Variants in GRB10 observed in about 807,000 individuals in gnomAD.
GRB10 encodes the protein growth factor receptor bound protein 10.
A neutral mutation model predicts 80.9 loss-of-function variants in GRB10; 20 were observed. The observed-to-expected ratio is 0.25, with a 90% CI of 0.17 to 0.36. The LOEUF is 0.36. GRB10 is among the 10% of genes least tolerant of loss of function. The pLI is 1.00. For synonymous variants in GRB10, 291 were observed against 291.5 expected, an observed-to-expected ratio of 1.00 and a Z score of 0.02; for missense variants, 548 against 747.7, an observed-to-expected ratio of 0.73 and a Z score of 3.12.
upstream of GRB10, among the ~76,000 whole-genome samples, chr7:50,784,780 G>A (rs2078621785): frequency 6.6e-6 from 1 of 152,236 alleles, no homozygotes; most frequent in Non-Finnish European, 1.5e-5. Context: ...AGAGATGAAG[G>A]CTAAGCTGGA....
rs754915352 is a variant in GRB10, at chr7:50,590,545, T to A, written c.*2407A>T. 6.5e-6 allele frequency: 1 copy of A among 152,684 alleles called. No individual in the cohort carries two copies. The highest frequency in any genetic ancestry group is 1.5e-5 in the Non-Finnish European group (1 of 68,052). The allele number at this position is 152,684 out of a possible 1,614,324, so 9.5% of individuals were successfully genotyped here. The stretch of plus-strand genomic sequence containing the variant: ...TCTCAACTTCGTCCTGGTTGCTACA[T>A]GGAGTTTCATTTAGAAAAGAAAATC... On this transcript the variant is annotated 3_prime_UTR_variant, in exon 19 of 19. Coordinates refer to ENST00000401949, the MANE Select transcript of GRB10 (RefSeq NM_001350814.2).
intron 5 of GRB10, among the ~76,000 whole-genome samples, chr7:50,689,879 G>A (rs375983400): frequency 6.6e-6 from 1 of 151,512 alleles, no homozygotes; most frequent in Admixed American, 6.6e-5. Context: ...TCTTCCTTTG[G>A]GGATAGAGTT....
intron 7 of GRB10, among the ~76,000 whole-genome samples, chr7:50,647,286 T>A (rs2057337447): frequency 6.6e-6 from 1 of 152,166 alleles, no homozygotes; most frequent in Non-Finnish European, 1.5e-5. Context: ...CAGTAACATC[T>A]TTTTTTGAAA....
intron 3 of GRB10, among the ~76,000 whole-genome samples, chr7:50,737,278 G>T (rs558133028): frequency 3.3e-5 from 5 of 152,134 alleles, no homozygotes; most frequent in African/African-American, 1.2e-4. Flanking sequence ...GGTTTCTAAC[G>T]GCGTAACACC....
chr7:50,648,197 G>C (rs998892649), intron 7 of GRB10, among the ~76,000 whole-genome samples: 3 of 152,132 alleles, frequency 2.0e-5, no homozygotes, highest in African/African-American at 7.2e-5. Context: ...AGCAACGATG[G>C]CTGAGAAGGA....
chr7:50,606,441 A>ACC, intron 13 of GRB10, 27 bp from the exon 14 acceptor site: 1 of 1,586,116 alleles, frequency 6.3e-7, no homozygotes, highest in Non-Finnish European at 8.7e-7. Context: ...ACAGTTAGTC[A>ACC]CCGGCCCGGG....
At chr7:50,695,975 T>C (rs1421087743) in intron 5 of GRB10, among the ~76,000 whole-genome samples, 1 of 152,196 alleles carries the variant, frequency 6.6e-6, no homozygotes, top group African/African-American at 2.4e-5. Flanking sequence ...TACAGTACCG[T>C]AACCTGTTTC....
chr7:50,635,136 GCA>G (rs1266879083), intron 7 of GRB10, among the ~76,000 whole-genome samples: 3 of 152,142 alleles, frequency 2.0e-5, no homozygotes, highest in Non-Finnish European at 4.4e-5. Flanking sequence ...TTGCCATAAA[GCA>G]CATTTCAATA....
At chr7:50,753,256 A>G (rs2074455306) in intron 3 of GRB10, among the ~76,000 whole-genome samples, 1 of 152,212 alleles carries the variant, frequency 6.6e-6, no homozygotes, top group African/African-American at 2.4e-5. Context: ...GATTTGTAGC[A>G]TCTTTCTGAA....
chr7:50,605,086 A>G, intron 15 of GRB10: 1 of 597,228 alleles, frequency 1.7e-6, no homozygotes, highest in African/African-American at 1.9e-5. Flanking sequence ...CCCAGGGGAC[A>G]GGGGACAGCG....
chr7:50,748,151 G>A (rs1004118429), intron 3 of GRB10, among the ~76,000 whole-genome samples: 4 of 152,166 alleles, frequency 2.6e-5, no homozygotes, highest in African/African-American at 4.8e-5. Flanking sequence ...ATAACTGAAC[G>A]TAATCACTCA....
chr7:50,775,910 G>C (rs1462578942), intron 2 of GRB10, among the ~76,000 whole-genome samples: 1 of 152,204 alleles, frequency 6.6e-6, no homozygotes, highest in East Asian at 1.9e-4. Context: ...GTAATGCAGA[G>C]AGCAGAGAAG....
At chr7:50,699,311 GCTGT>G (rs2063841584) in intron 5 of GRB10, among the ~76,000 whole-genome samples, 1 of 152,292 alleles carries the variant, frequency 6.6e-6, no homozygotes, top group Non-Finnish European at 1.5e-5. Context: ...AGCAGGCACT[GCTGT>G]CTAATTCTAG....
At chr7:50,707,263 G>GT (rs2065163731) in intron 4 of GRB10, among the ~76,000 whole-genome samples, 1 of 152,160 alleles carries the variant, frequency 6.6e-6, no homozygotes, top group African/African-American at 2.4e-5. Flanking sequence ...AAAATACAAT[G>GT]ACTCCTTCCC....
intron 14 of GRB10, among the ~76,000 whole-genome samples, 199 bp downstream of exon 14, chr7:50,606,138 G>T (rs2048478745): frequency 6.6e-6 from 1 of 152,164 alleles, no homozygotes; most frequent in African/African-American, 2.4e-5. Context: ...GAGAAGAACG[G>T]CAGAGGAATT....
intron 4 of GRB10, among the ~76,000 whole-genome samples, chr7:50,712,573 T>TA (rs1369047766): frequency 2.0e-5 from 3 of 152,172 alleles, no homozygotes; most frequent in Non-Finnish European, 4.4e-5. Context: ...TACCACCACA[T>TA]AAAAAATGAT....
At chr7:50,789,563 TG>T (rs147308166) in intron 1 of GRB10, among the ~76,000 whole-genome samples, 8,555 of 152,158 alleles carry the variant, frequency 0.056, 807 homozygotes, top group African/African-American at 0.2. Flanking sequence ...AGAAACGATA[TG>T]GTGGGAGGGG....
chr7:50,600,553 CAG>C (rs1459556710), intron 17 of GRB10, among the ~76,000 whole-genome samples: 2 of 151,796 alleles, frequency 1.3e-5, no homozygotes, highest in African/African-American at 2.4e-5. Flanking sequence ...AGGGAGAATG[CAG>C]AGAGCAGGAA....
Position 50,606,126 on chromosome 7 carries a change from G to A in GRB10, c.1272+211C>T, listed in dbSNP as rs369632086. Among the ~76,000 whole-genome samples the A allele has an allele frequency of 1.8e-3, 278 of 152,278 alleles. 7 individuals carry two copies. In the South Asian group the frequency reaches 0.052, roughly 29 times the overall value. Reference sequence around the variant, plus strand: ...CAACCCTGAGGGGAGATGCAGGGACGGGAGAAGAACGGCAGAGGAATTCAC... The same window carrying A: ...CAACCCTGAGGGGAGATGCAGGGACAGGAGAAGAACGGCAGAGGAATTCAC... On this transcript the variant is annotated intron_variant, in intron 14 of 18. Transcript: ENST00000401949.
Sources: allele counts gnomAD v4.1 joint callset (sites outside exome capture counted in the v4.1 genomes callset), GRCh38; gene constraint gnomAD v4.1.1; transcripts MANE v1.5; gene names NCBI Gene and HGNC (gene_info 2026-07-23, HGNC 2026-07-21).